CASP10: variants seen among roughly 807,000 people sequenced by gnomAD.
CASP10 encodes the protein caspase 10.
A neutral mutation model predicts 48.5 loss-of-function variants in CASP10; 41 were observed. The observed-to-expected ratio is 0.85, with a 90% CI of 0.66 to 1.10. The LOEUF (loss-of-function observed/expected upper bound fraction) is 1.10, where lower values mean the gene tolerates loss of function less well. CASP10 is among the 50% of genes least tolerant of loss of function. The probability of loss-of-function intolerance (pLI) is 0.00; values close to 1 mark genes in which losing one functional copy is unlikely to be tolerated. For synonymous variants in CASP10, 232 were observed against 238.4 expected (o/e 0.97, Z 0.25); for missense variants, 614 against 614.5 (o/e 1.00, Z 0.01).
chr2:201,216,243 C>G (rs1281599145), intron 9 of CASP10, among the ~76,000 whole-genome samples: 1 of 151,288 alleles, frequency 6.6e-6, no homozygotes, highest in Non-Finnish European at 1.5e-5. Context: ...GTGGCATGCA[C>G]CTGTAGTCCT....
In CASP10 at chr2:201,218,798, T is replaced by C; in HGVS notation, c.*1057T>C. On this transcript the variant is annotated 3_prime_UTR_variant, in exon 10 of 10. Transcript: ENST00000286186. ...ATCTCCCCCTTCCTAAGACTTCTCT[T>C]TTGCACATCTAGTGAGGTGAAAATT... The C allele has an allele frequency of 4.1e-6, 4 of 985,456 alleles. No individual in the cohort carries two copies. Among genetic ancestry groups the C allele is most frequent in the Non-Finnish European group, 4.8e-6 (4 of 829,972 alleles). 61.0% of individuals were successfully genotyped at this position (985,456 alleles called of 1,614,324 possible).
At chr2:201,188,769 G>T (rs558608222) in intron 3 of CASP10, among the ~76,000 whole-genome samples, 7 of 152,120 alleles carry the variant, frequency 4.6e-5, no homozygotes, top group African/African-American at 1.2e-4. Flanking sequence ...TTCATCAGGA[G>T]GTACCTGATT....
intron 4 of CASP10, among the ~76,000 whole-genome samples, chr2:201,194,722 G>A (rs1370976521): frequency 1.3e-5 from 2 of 152,182 alleles, no homozygotes; most frequent in African/African-American, 4.8e-5. Flanking sequence ...AGACACACTA[G>A]TTTCTATGTA....
At chr2:201,190,851 T>A (rs1944586505) in intron 3 of CASP10, among the ~76,000 whole-genome samples, 2 of 150,860 alleles carry the variant, frequency 1.3e-5, no homozygotes, top group African/African-American at 4.9e-5. Flanking sequence ...GGCTACAGAA[T>A]TATTATTATT....
rs1391900340 is a variant in CASP10 at position 201,187,734 on chromosome 2, A to G, written c.376A>G (p.Ile126Val). The G allele has an allele frequency of 2.5e-6, 4 of 1,614,112 alleles. No individual in the cohort carries two copies. The Admixed American group carries it at 5.0e-5, about 20-fold the overall frequency. The change falls in exon 3 of 10, where the codon ATT (isoleucine) becomes GTT (valine). Residue 126 changes from isoleucine to valine, a missense_variant. Ile to Val is a conservative substitution (Grantham distance 29, BLOSUM62 3). Transcript: ENST00000286186. ...RNLLYELSEG[I>V]DSENLKDMIF... Reference sequence around the variant, plus strand: ...CCTGCTCTACGAACTGTCAGAAGGCATTGACTCAGAGAACTTAAAGGACAT... The same window carrying G: ...CCTGCTCTACGAACTGTCAGAAGGCGTTGACTCAGAGAACTTAAAGGACAT...
chr2:201,215,442 G>C (rs1169215862), intron 9 of CASP10, among the ~76,000 whole-genome samples: 1 of 151,874 alleles, frequency 6.6e-6, no homozygotes, highest in Non-Finnish European at 1.5e-5. Flanking sequence ...ATGGTGAGAG[G>C]TAAGTGGTTA....
At chr2:201,202,447 A>G (rs1945052804) in intron 5 of CASP10, among the ~76,000 whole-genome samples, 1 of 152,204 alleles carries the variant, frequency 6.6e-6, no homozygotes. Context: ...GGCTGACTTT[A>G]TCAGCCAAGG....
intron 5 of CASP10, among the ~76,000 whole-genome samples, chr2:201,196,546 T>C (rs981779832): frequency 2.6e-5 from 4 of 152,210 alleles, no homozygotes; most frequent in Non-Finnish European, 2.9e-5. Context: ...TTGGGAGATA[T>C]GTGACAGTCT....
intron 5 of CASP10, chr2:201,200,488 C>A (rs1447770505): frequency 6.3e-7 from 1 of 1,598,342 alleles, no homozygotes; most frequent in Admixed American, 1.7e-5. Flanking sequence ...TGGAAACTCG[C>A]CAGATGACCT....
rs1945637475 is a variant in CASP10 at position 201,218,326 on chromosome 2, A to G, written c.*585A>G. The G allele has an allele frequency of 4.0e-6, 4 of 993,192 alleles. No individual in the cohort carries two copies. The highest frequency in any genetic ancestry group is 3.6e-6 in the Non-Finnish European group (3 of 835,116). The allele number at this position is 993,192 out of a possible 1,614,324, so 61.5% of individuals were successfully genotyped here. ...TTTGTGCAGGTACTTTTTCTTTGAG[A>G]CAGAGTCACTCCGTCACCTGGGCTG... On this transcript the variant is annotated 3_prime_UTR_variant, in exon 10 of 10. Coordinates refer to ENST00000286186, the MANE Select transcript of CASP10 (RefSeq NM_032977.4).
In CASP10 at chr2:201,205,871, T is replaced by G. The variant is rs767418585; in HGVS notation, c.722-11T>G. ...GGAAGATATTTGGAGTCTGAGTACC[T>G]CTCTTTCTAGGTAACAGAGCCACAA... On this transcript the variant is annotated splice_polypyrimidine_tract_variant and intron_variant, in intron 6 of 9. Coordinates refer to ENST00000286186, the MANE Select transcript of CASP10 (RefSeq NM_032977.4). The G allele has an allele frequency of 3.9e-6, 6 of 1,548,244 alleles. No individual in the cohort carries two copies. Among genetic ancestry groups the G allele is most frequent in the Admixed American group, 3.3e-5 (2 of 59,896 alleles).
intron 3 of CASP10, among the ~76,000 whole-genome samples, chr2:201,189,685 C>T (rs935431969): frequency 2.0e-5 from 3 of 152,008 alleles, no homozygotes; most frequent in Non-Finnish European, 2.9e-5. Flanking sequence ...CAATCTACTG[C>T]AATTATTATC....
chr2:201,187,658 C>G (rs1239796679), intron 2 of CASP10, 48 bp from the exon 3 acceptor site: 3 of 1,300,514 alleles, frequency 2.3e-6, no homozygotes, highest in East Asian at 4.6e-5. Context: ...ATTATGGTGT[C>G]CTCCACAAGT....
intron 7 of CASP10, among the ~76,000 whole-genome samples, chr2:201,207,076 C>G (rs1945230999): frequency 2.0e-5 from 3 of 152,170 alleles, no homozygotes; most frequent in African/African-American, 4.8e-5. Context: ...GGGCCAGGAT[C>G]TTGAGAACTC....
chr2:201,221,166 A>C lies in CASP10; in HGVS notation c.*3425A>C, dbSNP rs1482609086. The stretch of plus-strand genomic sequence containing the variant: ...ATTCCAGCTGACTTTATTAGCGGCA[A>C]CTCAGCACTAGCATTACCCCTGACA... On this transcript the variant is annotated 3_prime_UTR_variant, in exon 10 of 10. Coordinates refer to ENST00000286186, the MANE Select transcript of CASP10 (RefSeq NM_032977.4). 1 of 985,284 alleles carries C rather than the reference A, an allele frequency of 1.0e-6. No individual in the cohort carries two copies. Among genetic ancestry groups the C allele is most frequent in the Admixed American group, 6.2e-5 (1 of 16,256 alleles). 61.0% of individuals were successfully genotyped at this position (985,284 alleles called of 1,614,324 possible).
chr2:201,187,767 C>T lies in CASP10; in HGVS notation c.409C>T (p.Leu137Phe). Residue 137 changes from leucine (L) to phenylalanine (F), a missense_variant, in exon 3 of 10, where the codon CTT becomes TTT. Leu to Phe is a conservative substitution (Grantham distance 22). Coordinates refer to ENST00000286186, the MANE Select transcript of CASP10 (RefSeq NM_032977.4). Reference protein sequence around the residue: ...DSENLKDMIFLLKDSLPKTEM... With the variant: ...DSENLKDMIFFLKDSLPKTEM... ...AGAGAACTTAAAGGACATGATCTTCCTTCTGAAAGACTCGCTTCCCAAAAC... is the reference window on the plus strand; with the variant it reads ...AGAGAACTTAAAGGACATGATCTTCTTTCTGAAAGACTCGCTTCCCAAAAC... 6.2e-7 allele frequency: 1 copy of T among 1,614,060 alleles called. No individual in the cohort carries two copies. Among genetic ancestry groups the T allele is most frequent in the African/African-American group, 1.3e-5 (1 of 75,046 alleles).
At chr2:201,211,358 T>C (rs1945387480) in intron 9 of CASP10, among the ~76,000 whole-genome samples, 1 of 152,332 alleles carries the variant, frequency 6.6e-6, no homozygotes, top group South Asian at 2.1e-4. Context: ...ATTGTAACTT[T>C]GTACCCATTG....
In CASP10 at chr2:201,209,496, G is replaced by A. The variant is rs949451411; in HGVS notation, c.1349G>A (p.Arg450Gln). Residue 450 changes from arginine (R) to glutamine (Q), a missense_variant, in exon 9 of 10, where the codon CGG becomes CAG. By Grantham distance (43) the Arg-to-Gln change is conservative. Coordinates refer to ENST00000286186, the MANE Select transcript of CASP10 (RefSeq NM_032977.4). ...LATVPGYVSF[R>Q]HVEEGSWYIQ... The stretch of plus-strand genomic sequence containing the variant: ...ACTGTCCCAGGCTATGTATCCTTTC[G>A]GCATGTGGAGGAAGGCAGCTGGTAT... The A allele has an allele frequency of 1.1e-5, 18 of 1,613,414 alleles. No individual in the cohort carries two copies. The highest frequency in any genetic ancestry group is 3.3e-5 in the Admixed American group (2 of 59,872).
At chr2:201,224,470 T>G (rs1945764324), downstream of CASP10, among the ~76,000 whole-genome samples, 2 of 152,224 alleles carry the variant, frequency 1.3e-5, no homozygotes, top group African/African-American at 4.8e-5. Context: ...TTTTTACTTT[T>G]TAAGTAATTT....
Sources: allele counts gnomAD v4.1 joint callset (sites outside exome capture counted in the v4.1 genomes callset), GRCh38; gene constraint gnomAD v4.1.1; transcripts MANE v1.5; gene names NCBI Gene and HGNC (gene_info 2026-07-23, HGNC 2026-07-21).